The following LHPP variants were observed in gnomAD, a reference collection of about 807,000 sequenced individuals.
LHPP encodes hLHPP.
Under a neutral mutation model 30.3 loss-of-function variants are expected in LHPP, and 24 were observed. The ratio of observed to expected loss-of-function variants is 0.79; its 90% CI spans 0.57 to 1.11. LHPP has a LOEUF of 1.11. Ranked by LOEUF, LHPP falls within the 50% of genes most tolerant of loss-of-function variation. LHPP has a pLI of 0.00. For missense variants in LHPP, 356 were observed against 367.2 expected (o/e 0.97, Z 0.25); for synonymous variants, 150 against 157.1 (o/e 0.95, Z 0.34).
intron 6 of LHPP, among the ~76,000 whole-genome samples, chr10:124,579,144 T>C (rs749875499): frequency 8.5e-5 from 13 of 152,208 alleles, no homozygotes; most frequent in African/African-American, 2.7e-4. Flanking sequence ...GTATCTCATA[T>C]TCCCCAGAGG....
At chr10:124,520,747 C>T (rs1312199211) in intron 6 of LHPP, among the ~76,000 whole-genome samples, 3 of 152,168 alleles carry the variant, frequency 2.0e-5, no homozygotes, top group African/African-American at 7.2e-5. Context: ...GTCTCCCAGC[C>T]ATTGGTGACT....
intron 6 of LHPP, among the ~76,000 whole-genome samples, chr10:124,544,689 T>C (rs2133949442): frequency 6.6e-6 from 1 of 152,336 alleles, no homozygotes; most frequent in South Asian, 2.1e-4. Flanking sequence ...GCCTCGGCTC[T>C]GTGGCCGGCT....
intron 1 of LHPP, among the ~76,000 whole-genome samples, chr10:124,466,616 C>G (rs1457427506): frequency 6.6e-6 from 1 of 151,992 alleles, no homozygotes; most frequent in East Asian, 1.9e-4. Context: ...GCCACCATGC[C>G]TGGCTAATTT....
chr10:124,527,455 C>G (rs559094061), intron 6 of LHPP, among the ~76,000 whole-genome samples: 1 of 152,320 alleles, frequency 6.6e-6, no homozygotes, highest in African/African-American at 2.4e-5. Context: ...GATGTGAACC[C>G]GGTGTGCTCC....
intron 5 of LHPP, among the ~76,000 whole-genome samples, chr10:124,513,210 G>A (rs562046537): frequency 5.4e-4 from 82 of 151,996 alleles, no homozygotes; most frequent in African/African-American, 1.8e-3. Context: ...ACAGGCATCC[G>A]CCACCATGCC....
In LHPP at chr10:124,532,645, C is replaced by T. The variant is rs544247458; in HGVS notation, c.716+15374C>T. Among the ~76,000 whole-genome samples, 8 of 152,362 alleles carry T rather than the reference C, an allele frequency of 5.3e-5. No individual in the cohort carries two copies. The South Asian group carries it at 1.7e-3, about 32-fold the overall frequency. On this transcript the variant is annotated intron_variant, in intron 6 of 6. Transcript: ENST00000368842. ...TTAAACTGAATAACAACAATCCTCC[C>T]TATTGGGAGAAACCTTTTCAGCTTC...
chr10:124,581,765 A>ATG (rs1465519150), intron 6 of LHPP, among the ~76,000 whole-genome samples: 1 of 101,960 alleles, frequency 9.8e-6, no homozygotes, highest in East Asian at 3.5e-4. Context: ...ACATATATGT[A>ATG]TATACACACA....
rs531110760 is a variant in LHPP, at chr10:124,545,975, G to A, written c.716+28704G>A. ...TTGACCAGGCGTGTGTGTTTCCGGT[G>A]TGTGATGTGAGAACCCAGGGCTCGC... On this transcript the variant is annotated intron_variant, in intron 6 of 6. Coordinates refer to ENST00000368842, the MANE Select transcript of LHPP (RefSeq NM_022126.4). The A allele has an allele frequency of 5.9e-5, 9 of 152,488 alleles. No homozygotes were observed. In the East Asian group the frequency reaches 1.3e-3, roughly 23 times the overall value. 9.4% of individuals were successfully genotyped at this position (152,488 alleles called of 1,614,324 possible).
At chr10:124,491,011 A>G (rs539594641) in intron 3 of LHPP, among the ~76,000 whole-genome samples, 17 of 151,974 alleles carry the variant, frequency 1.1e-4, no homozygotes, top group African/African-American at 4.1e-4. Context: ...CTGCACAGCT[A>G]GAATTCTAGA....
chr10:124,528,016 G>T (rs1315759104), intron 6 of LHPP, among the ~76,000 whole-genome samples: 4 of 152,116 alleles, frequency 2.6e-5, no homozygotes, highest in Non-Finnish European at 5.9e-5. Flanking sequence ...TGATCTCCCC[G>T]CCTTGGCCTC....
At chr10:124,544,669 C>T (rs1955288564) in intron 6 of LHPP, among the ~76,000 whole-genome samples, 1 of 152,262 alleles carries the variant, frequency 6.6e-6, no homozygotes, top group African/African-American at 2.4e-5. Context: ...GTGCAGAGCT[C>T]TGGGCACAAG....
rs965923702 is a variant in LHPP, at chr10:124,496,479, A to G, written c.468-482A>G. ...CTGGCACCTCGCTTGACCTCCGGCT[A>G]ACGGGATGCGGCAGGGTGCTGTGGA... On this transcript the variant is annotated intron_variant, in intron 3 of 6. Coordinates refer to ENST00000368842, the MANE Select transcript of LHPP (RefSeq NM_022126.4). The surrounding 1 kb of genome is among the most constrained non-coding windows in gnomAD (Gnocchi z 4.3). Among the ~76,000 whole-genome samples, 1 of 152,174 alleles carries G rather than the reference A, an allele frequency of 6.6e-6. No individual in the cohort carries two copies. Among genetic ancestry groups the G allele is most frequent in the Admixed American group, 6.5e-5 (1 of 15,268 alleles).
intron 6 of LHPP, among the ~76,000 whole-genome samples, chr10:124,578,215 C>CT (rs1202337939): frequency 6.6e-6 from 1 of 152,242 alleles, no homozygotes; most frequent in Non-Finnish European, 1.5e-5. Context: ...CCTTGACCTG[C>CT]TTCCCAGGGC....
chr10:124,507,104 AGGTGCAGGGGTAGACAGGATTTCAGGTCG>A (rs1954130691), intron 5 of LHPP, among the ~76,000 whole-genome samples: 1 of 46,550 alleles, frequency 2.1e-5, no homozygotes, highest in African/African-American at 8.9e-5. Flanking sequence ...GGAGGATTTC[AGGTGCAGGGGTAGACAGGATTTCAGGTCG>A]GGGGGTTAGA....
At chr10:124,462,075 G>T (rs1952415290) in intron 1 of LHPP, 88 bp downstream of exon 1, 1 of 1,124,940 alleles carries the variant, frequency 8.9e-7, no homozygotes, top group Admixed American at 4.7e-5. Flanking sequence ...GGCGGCAGGG[G>T]GCGGGGCCGC....
At position 124,508,091 on chromosome 10, in the gene LHPP, G is replaced by A. The variant is rs1319389806; in HGVS notation, c.625-9089G>A. Among the ~76,000 whole-genome samples, 4 of 151,948 alleles carry A rather than the reference G, an allele frequency of 2.6e-5. No homozygotes were observed. In the East Asian group the frequency reaches 7.7e-4, roughly 29 times the overall value. On this transcript the variant is annotated intron_variant, in intron 5 of 6. Transcript: ENST00000368842. ...CAGGGCATCAGTCCTGACTATAGGG[G>A]TCTGGGGACAGTCTGTACCCCTAGG...
At position 124,507,042 on chromosome 10, in the gene LHPP, G is replaced by T. The variant is rs1006272483; in HGVS notation, c.624+8914G>T. On this transcript the variant is annotated intron_variant, in intron 5 of 6. Coordinates refer to ENST00000368842, the MANE Select transcript of LHPP (RefSeq NM_022126.4). Reference sequence around the variant, plus strand: ...GTAGACAGGATTTCAGGTGAGGGGGGTAGGGAGGATTTCAGGTGTAGGGGT... The same window carrying T: ...GTAGACAGGATTTCAGGTGAGGGGGTTAGGGAGGATTTCAGGTGTAGGGGT... Among the ~76,000 whole-genome samples the T allele has an allele frequency of 2.4e-3, 54 of 22,566 alleles. 5 individuals are homozygous for T. In the East Asian group the frequency reaches 0.03, roughly 12 times the overall value. The allele number at this position is 22,566 out of a possible 152,430, so 14.8% of individuals were successfully genotyped here. A position where few individuals can be genotyped will look rare whatever the true frequency, so the allele number is the denominator to read the frequency against.
chr10:124,492,435 C>G (rs1273824342), intron 3 of LHPP, among the ~76,000 whole-genome samples: 1 of 152,090 alleles, frequency 6.6e-6, no homozygotes, highest in African/African-American at 2.4e-5. Flanking sequence ...GGCTGGCAGG[C>G]TAGGGACTCA....
chr10:124,612,962 G>A (rs942985681), intron 6 of LHPP: 3 of 461,058 alleles, frequency 6.5e-6, no homozygotes, highest in Non-Finnish European at 1.2e-5. Context: ...TGAGATGTCT[G>A]TGCTGGAGGC....
Sources: gnomAD v4.1 joint callset for allele counts (sites outside exome capture counted in the v4.1 genomes callset) on GRCh38, gnomAD v4.1.1 for gene constraint, Gnocchi (gnomAD v3.1) non-coding constraint, MANE v1.5 for transcripts, NCBI Gene and HGNC (gene_info 2026-07-23, HGNC 2026-07-21) for gene names.